Variants in INTS11 observed in about 807,000 individuals in gnomAD.
INTS11 encodes the protein CPSF3-like protein.
INTS11 carries 77 observed loss-of-function variants against 78.6 expected under a neutral mutation model. That is an observed-to-expected ratio of 0.98 (90% CI 0.81 to 1.18). The LOEUF is 1.18. INTS11 is among the 50% of genes most tolerant of loss of function. The probability of loss-of-function intolerance (pLI) is 0.00; values close to 1 mark genes in which losing one functional copy is unlikely to be tolerated. For synonymous variants in INTS11, 441 were observed against 326.9 expected, an observed-to-expected ratio of 1.35 and a Z score of -3.77; for missense variants, 875 against 825.9, an observed-to-expected ratio of 1.06 and a Z score of -0.73.
intron 4 of INTS11, 143 bp from the exon 5 acceptor site, chr1:1,315,761 AGGTGGGGGCGGGG>A (rs1642554466): frequency 2.2e-5 from 1 of 45,614 alleles, no homozygotes; most frequent in Non-Finnish European, 4.7e-5. Context: ...GGAGCGAGGG[AGGTGGGGGCGGGG>A]AGGGAGGGAG....
chr1:1,313,095 G>C lies in INTS11; in HGVS notation c.1071C>G (p.Gly357=). Residue 357 remains glycine (G), a synonymous_variant, in exon 11 of 17, where the codon GGC becomes GGG. Transcript: ENST00000435064. ...MVIMPGYCVQ[G]TVGHKILSGQ... ...CGCTGAGGATCTTGTGGCCGACGGT[G>C]CCCTGCACGCAGTAGCCGGGCATGA... The C allele has an allele frequency of 6.2e-7, 1 of 1,608,874 alleles. No individual in the cohort carries two copies. Among genetic ancestry groups the C allele is most frequent in the Non-Finnish European group, 8.5e-7 (1 of 1,179,778 alleles).
Position 1,312,381 on chromosome 1 carries a change from G to A in INTS11, c.1465-13C>T, listed in dbSNP as rs542458871. 2.6e-6 allele frequency: 4 copies of A among 1,567,584 alleles called. No homozygotes were observed. The highest frequency in any genetic ancestry group is 1.2e-5 in the South Asian group (1 of 85,622). ...CCAGCCGGAAGTTCTGTGGGGCAGG[G>A]ACAGGTCAGTGAGCGCAGCAGCGGC... On this transcript the variant is annotated splice_polypyrimidine_tract_variant and intron_variant, in intron 14 of 16. Transcript: ENST00000435064.
At chr1:1,321,785 G>A (rs1642960375) in intron 1 of INTS11, 2 of 672,352 alleles carry the variant, frequency 3.0e-6, no homozygotes, top group African/African-American at 1.9e-5. Flanking sequence ...GGCCAGCCAA[G>A]GCACACTCAG....
At position 1,312,375 on chromosome 1, in the gene INTS11, G is replaced by A. The variant is rs1199942747; in HGVS notation, c.1465-7C>T. On this transcript the variant is annotated splice_region_variant and splice_polypyrimidine_tract_variant and intron_variant, in intron 14 of 16. Coordinates refer to ENST00000435064, the MANE Select transcript of INTS11 (RefSeq NM_017871.6). ...AGGACACCAGCCGGAAGTTCTGTGG[G>A]GCAGGGACAGGTCAGTGAGCGCAGC... 4 of 1,566,938 alleles carry A rather than the reference G, an allele frequency of 2.6e-6. No individual in the cohort carries two copies. The highest frequency in any genetic ancestry group is 3.5e-6 in the Non-Finnish European group (4 of 1,155,500).
In INTS11 at chr1:1,314,010, C is replaced by T. The variant is rs1292233443; in HGVS notation, c.768-89G>A. The T allele has an allele frequency of 2.2e-6, 3 of 1,350,416 alleles. No homozygotes were observed. In the Admixed American group the frequency reaches 5.5e-5, roughly 25 times the overall value. The allele number at this position is 1,350,416 out of a possible 1,614,324, so 83.7% of individuals were successfully genotyped here. A position where few individuals can be genotyped will look rare whatever the true frequency, so the allele number is the denominator to read the frequency against. ...GCCGGGTCACCCCCAACACCCGTGT[C>T]TGCACAGCCCACGCACGGGCCAGGT... On this transcript the variant is annotated intron_variant, in intron 8 of 16. Coordinates refer to ENST00000435064, the MANE Select transcript of INTS11 (RefSeq NM_017871.6). The surrounding 1 kb of genome is among the most constrained non-coding windows in gnomAD (Gnocchi z 4.2).
Position 1,314,634 on chromosome 1 carries a change from A to G in INTS11, c.702+190T>C, listed in dbSNP as rs907495652. The G allele has an allele frequency of 1.3e-6, 1 of 750,518 alleles. No individual in the cohort carries two copies. Among genetic ancestry groups the G allele is most frequent in the Non-Finnish European group, 2.1e-6 (1 of 472,246 alleles). The allele number at this position is 750,518 out of a possible 1,614,324, so 46.5% of individuals were successfully genotyped here. ...TTCGTCCGCACCTGAGGTAGGAGGG[A>G]AAAGGGGCTCCCTAGGAAAGGGTCT... On this transcript the variant is annotated intron_variant, in intron 7 of 16. Transcript: ENST00000435064. The surrounding 1 kb of genome is among the most constrained non-coding windows in gnomAD (Gnocchi z 4.2).
rs772116007 is a variant in INTS11, at chr1:1,315,595, C to T, written c.453G>A (p.Lys151=). The change falls in exon 5 of 17, where the codon AAG becomes AAA. Residue 151 remains lysine, a synonymous_variant. Coordinates refer to ENST00000435064, the MANE Select transcript of INTS11 (RefSeq NM_017871.6). The stretch of plus-strand genomic sequence containing the variant: ...CCAGCACGTGGCCTGCATAGTAGGC[C>T]TTGATCTCCAGCTCATCATCTACCT... The part of the protein sequence containing the change: ...TVQVDDELEI[K]AYYAGHVLGA... The T allele has an allele frequency of 6.2e-7, 1 of 1,602,994 alleles. No individual in the cohort carries two copies. Among genetic ancestry groups the T allele is most frequent in the Non-Finnish European group, 8.5e-7 (1 of 1,174,360 alleles).
intron 1 of INTS11, chr1:1,322,054 G>C (rs1266778427): frequency 9.6e-7 from 1 of 1,046,802 alleles, no homozygotes; most frequent in East Asian, 3.2e-5. Context: ...TGAGCTCTCT[G>C]AGAGCAGGGT....
In INTS11 at chr1:1,320,565, G is replaced by C. The variant is rs574100379; in HGVS notation, c.127-36C>G. ...TGTGGGGGTTTCAGGTTGCACAGTG[G>C]TCTCCAGGCAGCATCTGGGGCCACC... On this transcript the variant is annotated intron_variant, in intron 2 of 16. Coordinates refer to ENST00000435064, the MANE Select transcript of INTS11 (RefSeq NM_017871.6). 5.3e-5 allele frequency: 85 copies of C among 1,608,534 alleles called. 2 individuals are homozygous for C. In the South Asian group the frequency reaches 9.1e-4, roughly 17 times the overall value.
rs374882419 is a variant in INTS11, at chr1:1,320,470, G to T, written c.186C>A (p.Asp62Glu). The change falls in exon 3 of 17, where the codon GAC becomes GAA. Residue 62 changes from aspartate (D) to glutamate (E), a missense_variant. Physicochemically the swap from Asp to Glu is conservative, Grantham distance 45. Coordinates refer to ENST00000435064, the MANE Select transcript of INTS11 (RefSeq NM_017871.6). ...TQNGRLTDFL[D>E]CVIISHFHLD... ...CAGGAACCCACCTAATGATCACACA[G>T]TCCAGGAAGTCTGTTAGGCGGCCGT... is the stretch of plus-strand genomic sequence containing the variant. 6.2e-7 allele frequency: 1 copy of T among 1,613,944 alleles called. No homozygotes were observed. The highest frequency in any genetic ancestry group is 8.5e-7 in the Non-Finnish European group (1 of 1,179,936).
intron 1 of INTS11, chr1:1,321,988 C>A: frequency 7.4e-7 from 1 of 1,350,350 alleles, no homozygotes. Flanking sequence ...GGGCTGCCTG[C>A]CACAGAGAGG....
At chr1:1,318,730 T>C (rs1642761510) in intron 4 of INTS11, 1 of 480,204 alleles carries the variant, frequency 2.1e-6, no homozygotes, top group Admixed American at 3.9e-5. Flanking sequence ...AATTAAATGT[T>C]CCAAAATACA....
In INTS11 at chr1:1,312,579, C is replaced by G. The variant is rs1642284476; in HGVS notation, c.1402+14G>C. On this transcript the variant is annotated intron_variant, in intron 13 of 16. Coordinates refer to ENST00000435064, the MANE Select transcript of INTS11 (RefSeq NM_017871.6). ...GCCCCGAGCACCCTGCCCTGCCCTG[C>G]CCAGCCCGCATACCCTGCGCCATCT... The G allele has an allele frequency of 6.3e-7, 1 of 1,577,732 alleles. No individual in the cohort carries two copies. The highest frequency in any genetic ancestry group is 8.6e-7 in the Non-Finnish European group (1 of 1,158,376).
intron 4 of INTS11, 197 bp downstream of exon 4, chr1:1,319,099 C>T (rs749306157): frequency 4.3e-5 from 32 of 747,146 alleles, no homozygotes; most frequent in Admixed American, 1.5e-4. Flanking sequence ...TCTCCCGGGT[C>T]GGCGCCCAGT....
intron 1 of INTS11, chr1:1,323,310 C>G (rs1431396658): frequency 2.0e-6 from 3 of 1,537,732 alleles, no homozygotes; most frequent in Non-Finnish European, 2.6e-6. Flanking sequence ...CTAAGGACAT[C>G]AGGATGACTG....
Position 1,313,939 on chromosome 1 carries a change from A to G in INTS11, c.768-18T>C. ...TGCGCTCCCTGGGGACCACCGGCCC[A>G]GTCAGCACAGTGGCCACAGGGGAGA... On this transcript the variant is annotated intron_variant, in intron 8 of 16. Coordinates refer to ENST00000435064, the MANE Select transcript of INTS11 (RefSeq NM_017871.6). The G allele has an allele frequency of 1.2e-6, 2 of 1,606,906 alleles. No homozygotes were observed. Among genetic ancestry groups the G allele is most frequent in the Non-Finnish European group, 8.5e-7 (1 of 1,175,646 alleles).
rs1375955350 is a variant in INTS11 at position 1,311,707 on chromosome 1, C to T, written c.*152G>A. 2 of 813,460 alleles carry T rather than the reference C, an allele frequency of 2.5e-6. No homozygotes were observed. Among genetic ancestry groups the T allele is most frequent in the East Asian group, 2.6e-5 (1 of 37,818 alleles). 50.4% of individuals were successfully genotyped at this position (813,460 alleles called of 1,614,324 possible). On this transcript the variant is annotated 3_prime_UTR_variant, in exon 17 of 17. Coordinates refer to ENST00000435064, the MANE Select transcript of INTS11 (RefSeq NM_017871.6). The stretch of plus-strand genomic sequence containing the variant: ...AGTTTGTTTCTTCAGCTGCAAACAG[C>T]TGCCTGGGCAGGCAGGTGACACAAG...
chr1:1,319,806 C>A (rs1204153342), intron 3 of INTS11: 7 of 418,710 alleles, frequency 1.7e-5, no homozygotes, highest in Admixed American at 4.1e-5. Flanking sequence ...ATAGGGGAGC[C>A]GCTGGCTTTT....
intron 2 of INTS11, chr1:1,320,791 C>T (rs1178698099): frequency 4.2e-6 from 3 of 715,330 alleles, no homozygotes; most frequent in Admixed American, 4.0e-5. Flanking sequence ...GACCCCGGGG[C>T]TGGGGCTCAG....
Sources: allele counts gnomAD v4.1 joint callset, GRCh38; gene constraint gnomAD v4.1.1; non-coding constraint Gnocchi (gnomAD v3.1); transcripts MANE v1.5; gene names NCBI Gene and HGNC (gene_info 2026-07-23, HGNC 2026-07-21).